Variants in KIF1A observed in about 807,000 individuals in gnomAD.
KIF1A encodes the protein kinesin-like protein KIF1A.
A neutral mutation model predicts 227.3 loss-of-function variants in KIF1A; 46 were observed. That is an observed-to-expected ratio of 0.20 (90% confidence interval 0.16 to 0.26). KIF1A has a LOEUF of 0.26. KIF1A is among the 10% of genes least tolerant of loss of function. The pLI, the probability that KIF1A is intolerant of heterozygous loss-of-function variation, is 1.00. For synonymous variants in KIF1A, 1,022 were observed against 1,012.8 expected (o/e 1.01, Z -0.17); for missense variants, 1,683 against 2,485.9 (o/e 0.68, Z 6.87).
rs2044673034 is a variant in KIF1A, at chr2:240,717,294, G to A, written c.*70C>T. The stretch of plus-strand genomic sequence containing the variant: ...CTGGCAGGAGAGGGGCTGGGCGGCA[G>A]GTGACAGGACAGACGAGGATGAGGG... On this transcript the variant is annotated 3_prime_UTR_variant, in exon 49 of 49. Coordinates refer to ENST00000498729, the MANE Select transcript of KIF1A (RefSeq NM_001244008.2). 11 of 1,444,462 alleles carry A rather than the reference G, an allele frequency of 7.6e-6. No individual in the cohort carries two copies. The highest frequency in any genetic ancestry group is 1.1e-5 in the Non-Finnish European group (11 of 1,035,820). The allele number at this position is 1,444,462 out of a possible 1,614,324, so 89.5% of individuals were successfully genotyped here.
At chr2:240,731,947 GAGGGGAGGAGACT>G (rs1372876245) in intron 38 of KIF1A, among the ~76,000 whole-genome samples, 3 of 122,594 alleles carry the variant, frequency 2.4e-5, no homozygotes, top group African/African-American at 6.0e-5. Flanking sequence ...ATGGGGGGAG[GAGGGGAGGAGACT>G]AGGGGAGGAG....
intron 15 of KIF1A, 88 bp downstream of exon 15, chr2:240,770,883 T>C (rs1421985902): frequency 2.7e-6 from 4 of 1,493,672 alleles, no homozygotes; most frequent in Admixed American, 3.6e-5. Flanking sequence ...GGATGGGCTG[T>C]ACCCAGGAGG....
chr2:240,715,416 C>T lies in KIF1A; in HGVS notation c.*1948G>A, dbSNP rs1390853166. 6.6e-6 allele frequency: 1 copy of T among 152,348 alleles called. No individual in the cohort carries two copies. Among genetic ancestry groups the T allele is most frequent in the Non-Finnish European group, 1.5e-5 (1 of 68,092 alleles). The allele number at this position is 152,348 out of a possible 1,614,324, so 9.4% of individuals were successfully genotyped here. On this transcript the variant is annotated 3_prime_UTR_variant, in exon 49 of 49. Coordinates refer to ENST00000498729, the MANE Select transcript of KIF1A (RefSeq NM_001244008.2). ...TCCCTCACAGAACCCCCCCATCAGC[C>T]CCTGGGAGAGCCTCCCAGGCAGGGG...
At chr2:240,773,046 T>G in intron 13 of KIF1A, 68 bp downstream of exon 13, 1 of 1,485,050 alleles carries the variant, frequency 6.7e-7, no homozygotes, top group Non-Finnish European at 9.1e-7. Flanking sequence ...GAGGATGTGA[T>G]GACCTGCGAG....
At chr2:240,728,705 G>A (rs1229764343) in intron 38 of KIF1A, among the ~76,000 whole-genome samples, 1 of 152,190 alleles carries the variant, frequency 6.6e-6, no homozygotes. Context: ...GGCCTGGAGG[G>A]ATTTGCTCCT....
At chr2:240,749,768 T>C (rs1323095535) in intron 28 of KIF1A, among the ~76,000 whole-genome samples, 3 of 152,216 alleles carry the variant, frequency 2.0e-5, no homozygotes, top group Non-Finnish European at 4.4e-5. Context: ...CTGGTGCCTC[T>C]GGCCATCCGG....
At position 240,789,397 on chromosome 2, in the gene KIF1A, T is replaced by G; in HGVS notation, c.107-85A>C. The G allele has an allele frequency of 1.7e-6, 2 of 1,160,822 alleles. No homozygotes were observed. The highest frequency in any genetic ancestry group is 2.5e-5 in the South Asian group (2 of 79,958). The allele number at this position is 1,160,822 out of a possible 1,614,324, so 71.9% of individuals were successfully genotyped here. ...TCTACACTCCAAGGTGGGGAGATGG[T>G]CTTAAGAGGCCTCGGGCCCCAGACA... is the stretch of plus-strand genomic sequence containing the variant. On this transcript the variant is annotated intron_variant, in intron 2 of 48. Transcript: ENST00000498729. The surrounding 1 kb of genome is among the most constrained non-coding windows in gnomAD (Gnocchi z 4.8).
rs533472375 is a variant in KIF1A, at chr2:240,767,322, G to A, written c.1521C>T (p.Asn507=). ...PKKTPHLVNL[N]EDPLMSECLL... ...GGCACTCAGACATCAGCGGGTCCTC[G>A]TTCAGGTTGACGAGGTGTGGTGTCT... Residue 507 remains asparagine (N), a synonymous_variant, in exon 18 of 49, where the codon AAC becomes AAT. Transcript: ENST00000498729. The A allele has an allele frequency of 8.7e-6, 14 of 1,613,684 alleles. No individual in the cohort carries two copies. The highest frequency in any genetic ancestry group is 6.7e-5 in the East Asian group (3 of 44,886).
At chr2:240,720,827 T>C in intron 45 of KIF1A, 87 bp downstream of exon 45, 1 of 1,447,800 alleles carries the variant, frequency 6.9e-7, no homozygotes, top group Non-Finnish European at 9.2e-7. Context: ...GGCCCCCTGT[T>C]CTGTGCTCTC....
intron 27 of KIF1A, among the ~76,000 whole-genome samples, chr2:240,755,119 G>C (rs569171567): frequency 4.6e-5 from 7 of 152,288 alleles, no homozygotes; most frequent in Non-Finnish European, 8.8e-5. Context: ...GTTGGAATAT[G>C]GGCAGTGGTC....
Position 240,757,652 on chromosome 2 carries a change from C to T in KIF1A, c.2583-58G>A. 1 of 1,529,242 alleles carries T rather than the reference C, an allele frequency of 6.5e-7. No homozygotes were observed. Among genetic ancestry groups the T allele is most frequent in the Non-Finnish European group, 8.8e-7 (1 of 1,134,358 alleles). The allele number at this position is 1,529,242 out of a possible 1,614,324, so 94.7% of individuals were successfully genotyped here. A position where few individuals can be genotyped will look rare whatever the true frequency, so the allele number is the denominator to read the frequency against. ...AACACCAGCGACTCGCAGGGACGAA[C>T]AGGGGCCGGGGCCGGGGCTGGGGGG... is the stretch of plus-strand genomic sequence containing the variant. On this transcript the variant is annotated intron_variant, in intron 26 of 48. Transcript: ENST00000498729. The surrounding 1 kb of genome is among the most constrained non-coding windows in gnomAD (Gnocchi z 6.2).
intron 47 of KIF1A, among the ~76,000 whole-genome samples, 188 bp from the exon 48 acceptor site, chr2:240,718,356 C>G (rs943874043): frequency 2.0e-5 from 3 of 152,222 alleles, no homozygotes; most frequent in Non-Finnish European, 4.4e-5. Context: ...GACGCATCTG[C>G]GGCCGGTGGT....
chr2:240,743,072 C>T (rs997794464), intron 33 of KIF1A, 88 bp from the exon 34 acceptor site: 42 of 1,004,044 alleles, frequency 4.2e-5, no homozygotes, highest in Non-Finnish European at 5.8e-5. Flanking sequence ...GCCCCAGGTG[C>T]CCATCCCGGC....
At position 240,757,708 on chromosome 2, in the gene KIF1A, G is replaced by A; in HGVS notation, c.2583-114C>T. ...GTTTAAAACCAAAACCAAACACACA[G>A]ACCATCGAGAATGCTGCTTTAAAAG... On this transcript the variant is annotated intron_variant, in intron 26 of 48. Transcript: ENST00000498729. The surrounding 1 kb of genome is among the most constrained non-coding windows in gnomAD (Gnocchi z 6.2). 6 of 973,176 alleles carry A rather than the reference G, an allele frequency of 6.2e-6. No homozygotes were observed. The highest frequency in any genetic ancestry group is 9.0e-6 in the Non-Finnish European group (6 of 663,100). 60.3% of individuals were successfully genotyped at this position (973,176 alleles called of 1,614,324 possible).
chr2:240,786,835 C>CCAGCA (rs1310781016), intron 5 of KIF1A, among the ~76,000 whole-genome samples: 1 of 151,846 alleles, frequency 6.6e-6, no homozygotes, highest in African/African-American at 2.4e-5. Flanking sequence ...AGGGTGGGGG[C>CCAGCA]TGCCTGCTGA....
intron 1 of KIF1A, among the ~76,000 whole-genome samples, chr2:240,808,891 C>T (rs984280619): frequency 3.3e-5 from 5 of 152,084 alleles, no homozygotes; most frequent in African/African-American, 9.6e-5. Context: ...CCACCACGCC[C>T]GGCTAATTTT....
At chr2:240,746,870 G>A (rs1322656972) in intron 29 of KIF1A, among the ~76,000 whole-genome samples, 1 of 152,246 alleles carries the variant, frequency 6.6e-6, no homozygotes, top group Non-Finnish European at 1.5e-5. Context: ...AGGGGGCAGT[G>A]GGAACGCGCC....
intron 6 of KIF1A, 47 bp from the exon 7 acceptor site, chr2:240,785,147 G>T: frequency 6.7e-7 from 1 of 1,501,720 alleles, no homozygotes; most frequent in Non-Finnish European, 9.2e-7. Flanking sequence ...CCTGTGGCCG[G>T]GTGCGAGATC....
At position 240,757,429 on chromosome 2, in the gene KIF1A, C is replaced by CTCCTCCTCCTCCTCCTCA; in HGVS notation, c.2747_2748insTGAGGAGGAGGAGGAGGA (p.Glu915_Glu916insAspGluGluGluGluGlu). On this transcript the variant is annotated inframe_insertion, in exon 27 of 49. Transcript: ENST00000498729. The surrounding 1 kb of genome is among the most constrained non-coding windows in gnomAD (Gnocchi z 6.2). ...CCAGGTCCTCCTCCTCCTCATCCTC[C>CTCCTCCTCCTCCTCCTCA]TCCTCCTCCTCCTCCTCCTCCTCCT... The CTCCTCCTCCTCCTCCTCA allele has an allele frequency of 1.0e-6, 1 of 956,860 alleles. No individual in the cohort carries two copies. The highest frequency in any genetic ancestry group is 1.4e-6 in the Non-Finnish European group (1 of 694,246). 59.3% of individuals were successfully genotyped at this position (956,860 alleles called of 1,614,324 possible).
Sources: allele counts gnomAD v4.1 joint callset (sites outside exome capture counted in the v4.1 genomes callset), GRCh38; gene constraint gnomAD v4.1.1; non-coding constraint Gnocchi (gnomAD v3.1); transcripts MANE v1.5; gene names NCBI Gene and HGNC (gene_info 2026-07-23, HGNC 2026-07-21).